Variants in AATF observed in about 807,000 individuals in gnomAD.
AATF encodes protein AATF.
In AATF, 48 loss-of-function variants were observed where a neutral mutation model predicts 63.7. The ratio of observed to expected loss-of-function variants is 0.75; its 90% CI spans 0.60 to 0.96. The LOEUF is 0.96. Among genes scored for constraint, AATF ranks in the 40% least tolerant of loss-of-function variants. The probability of loss-of-function intolerance (pLI) is 0.00; values close to 1 mark genes in which losing one functional copy is unlikely to be tolerated. For synonymous variants in AATF, 258 were observed against 247.7 expected (o/e 1.04, Z -0.39); for missense variants, 639 against 685.7 (o/e 0.93, Z 0.76).
chr17:36,950,624 C>G (rs2070847960), intron 2 of AATF, among the ~76,000 whole-genome samples: 1 of 152,110 alleles, frequency 6.6e-6, no homozygotes, highest in African/African-American at 2.4e-5. Flanking sequence ...CTCAGCCTCC[C>G]GAGTAGCTGG....
At chr17:36,959,093 C>T (rs1024020391) in intron 4 of AATF, among the ~76,000 whole-genome samples, 1 of 151,258 alleles carries the variant, frequency 6.6e-6, no homozygotes, top group African/African-American at 2.4e-5. Flanking sequence ...CGCAGTGAGG[C>T]GAGATTGCGC....
intron 4 of AATF, among the ~76,000 whole-genome samples, chr17:36,962,617 C>G (rs1443505732): frequency 6.6e-6 from 1 of 151,312 alleles, no homozygotes; most frequent in Admixed American, 6.6e-5. Context: ...ATCCCATAGG[C>G]AGAGTGGCCC....
chr17:37,040,923 T>G (rs1347963726), intron 11 of AATF, among the ~76,000 whole-genome samples: 1 of 152,220 alleles, frequency 6.6e-6, no homozygotes, highest in Non-Finnish European at 1.5e-5. Flanking sequence ...ATCTGGTATA[T>G]TTAGTCAGTT....
chr17:37,002,903 GTTT>G (rs35926577), intron 8 of AATF, among the ~76,000 whole-genome samples: 12,765 of 99,018 alleles, frequency 0.13, 334 homozygotes, highest in Non-Finnish European at 0.17. Flanking sequence ...TCCTGTTGCT[GTTT>G]TTTTTTTTTT....
Position 36,988,577 on chromosome 17 carries a change from AG to A in AATF, c.1009del (p.Val337SerfsTer57), listed in dbSNP as rs2071187365. The A allele has an allele frequency of 5.0e-6, 8 of 1,614,100 alleles. No individual in the cohort carries two copies. In the African/African-American group the frequency reaches 9.3e-5, roughly 19 times the overall value. On this transcript the variant is annotated frameshift_variant, in exon 6 of 12. Coordinates refer to ENST00000619387, the MANE Select transcript of AATF (RefSeq NM_012138.4). LOFTEE classifies it high-confidence loss of function. ...LVEEKKQQRRRVPAKRKLEME... is the reference protein window; with the variant it reads ...LVEEKKQQRRXVPAKRKLEME... Reference sequence around the variant, plus strand: ...AGAAGAGAAGAAGCAGCAACGAAGAAGGGTCCCTGCAAAGAGGAAGCTGGAG... The same window carrying A: ...AGAAGAGAAGAAGCAGCAACGAAGAAGGTCCCTGCAAAGAGGAAGCTGGAG...
intron 4 of AATF, among the ~76,000 whole-genome samples, chr17:36,985,739 TG>T (rs377655111): frequency 4.0e-4 from 61 of 151,724 alleles, no homozygotes; most frequent in Middle Eastern, 3.4e-3. Context: ...TTAGTAGAGA[TG>T]GGGTTTCACC....
At chr17:37,040,690 CT>C (rs559648441) in intron 11 of AATF, among the ~76,000 whole-genome samples, 30 of 150,660 alleles carry the variant, frequency 2.0e-4, no homozygotes, top group Non-Finnish European at 3.7e-4. Context: ...ATCCCCACCC[CT>C]AGCTACTCTT....
intron 4 of AATF, among the ~76,000 whole-genome samples, chr17:36,975,008 A>G (rs1015035711): frequency 1.3e-5 from 2 of 152,210 alleles, no homozygotes; most frequent in East Asian, 1.9e-4. Flanking sequence ...TTGTTGTGAG[A>G]TGTTATTTTC....
intron 8 of AATF, among the ~76,000 whole-genome samples, chr17:36,991,219 G>A (rs58635067): frequency 0.036 from 5,470 of 152,246 alleles, 317 homozygotes; most frequent in African/African-American, 0.13. Context: ...AGAATGGGCC[G>A]TGGAGCTGGA....
intron 4 of AATF, among the ~76,000 whole-genome samples, chr17:36,976,834 T>C (rs1394722764): frequency 6.6e-6 from 1 of 152,328 alleles, no homozygotes; most frequent in East Asian, 1.9e-4. Context: ...TTTCTGAGTC[T>C]CAGTGTTTCA....
chr17:36,991,761 A>G (rs1348640133), intron 8 of AATF, among the ~76,000 whole-genome samples: 1 of 151,522 alleles, frequency 6.6e-6, no homozygotes, highest in African/African-American at 2.4e-5. Context: ...AATTTTTTGT[A>G]TTTTTAGTAG....
chr17:37,009,201 G>A (rs544490495), intron 8 of AATF, among the ~76,000 whole-genome samples: 18 of 152,018 alleles, frequency 1.2e-4, no homozygotes, highest in Admixed American at 7.2e-4. Flanking sequence ...GCGCGATCTC[G>A]GCTCACTGCA....
At chr17:36,978,245 TC>T (rs2071093664) in intron 4 of AATF, among the ~76,000 whole-genome samples, 1 of 152,082 alleles carries the variant, frequency 6.6e-6, no homozygotes, top group Non-Finnish European at 1.5e-5. Flanking sequence ...CTCCCCCAAT[TC>T]CCCACATCAT....
rs1597733414 is a variant in AATF, at chr17:37,031,404, T to C, written c.1548-210T>C. The C allele has an allele frequency of 1.2e-5, 7 of 592,838 alleles. No homozygotes were observed. The East Asian group carries it at 2.0e-4, about 17-fold the overall frequency. The allele number at this position is 592,838 out of a possible 1,614,324, so 36.7% of individuals were successfully genotyped here. On this transcript the variant is annotated intron_variant, in intron 10 of 11. Coordinates refer to ENST00000619387, the MANE Select transcript of AATF (RefSeq NM_012138.4). ...CGTGGATTTTTGTATCCATAGAGAGTCCTGGAACCATTCCTCCACAGATAC... is the reference window on the plus strand; with the variant it reads ...CGTGGATTTTTGTATCCATAGAGAGCCCTGGAACCATTCCTCCACAGATAC...
At chr17:36,991,435 C>G (rs1426142161) in intron 8 of AATF, among the ~76,000 whole-genome samples, 5 of 152,116 alleles carry the variant, frequency 3.3e-5, no homozygotes, top group Non-Finnish European at 7.4e-5. Context: ...AATATGTTTT[C>G]AGACTCCCCC....
chr17:36,980,157 T>C (rs146088755), intron 4 of AATF: 2 of 152,272 alleles, frequency 1.3e-5, no homozygotes, highest in African/African-American at 4.8e-5. Flanking sequence ...AACGAGAAAA[T>C]TGAGACTCAA....
At chr17:36,983,633 G>A (rs2142241137) in intron 4 of AATF, among the ~76,000 whole-genome samples, 1 of 152,258 alleles carries the variant, frequency 6.6e-6, no homozygotes, top group Middle Eastern at 3.4e-3. Flanking sequence ...TTACAGGTGT[G>A]AGCCACTGTG....
chr17:36,972,017 G>C (rs1171007142), intron 4 of AATF, among the ~76,000 whole-genome samples: 1 of 152,124 alleles, frequency 6.6e-6, no homozygotes, highest in East Asian at 1.9e-4. Flanking sequence ...GTGGCTCTCT[G>C]TTGAACCCTT....
Position 37,019,090 on chromosome 17 carries a change from T to A in AATF, c.1466+18T>A. 2 of 1,610,056 alleles carry A rather than the reference T, an allele frequency of 1.2e-6. No homozygotes were observed. Among genetic ancestry groups the A allele is most frequent in the Non-Finnish European group, 1.7e-6 (2 of 1,176,382 alleles). On this transcript the variant is annotated intron_variant, in intron 9 of 11. Transcript: ENST00000619387. The stretch of plus-strand genomic sequence containing the variant: ...ATGGGAAGGTAATTTAGATACAGCT[T>A]TCTGTTCATGCAAGCAGCCTATGTA...
Sources: allele counts gnomAD v4.1 joint callset (sites outside exome capture counted in the v4.1 genomes callset), GRCh38; gene constraint gnomAD v4.1.1; transcripts MANE v1.5; gene names NCBI Gene and HGNC (gene_info 2026-07-23, HGNC 2026-07-21).